Variants in GRM7 observed in about 807,000 individuals in gnomAD.
GRM7 encodes the protein glutamate metabotropic receptor 7, also known as metabotropic glutamate receptor 7.
A neutral mutation model predicts 84.5 loss-of-function variants in GRM7; 35 were observed. The ratio of observed to expected loss-of-function variants is 0.41; its 90% CI spans 0.32 to 0.55. The LOEUF (loss-of-function observed/expected upper bound fraction) is 0.55, where lower values mean the gene tolerates loss of function less well. Ranked by LOEUF, GRM7 falls within the 20% of genes least tolerant of loss-of-function variation. The probability of loss-of-function intolerance (pLI) is 0.19; values close to 1 mark genes in which losing one functional copy is unlikely to be tolerated. For missense variants in GRM7, 1,003 were observed against 1,194.6 expected (o/e 0.84, Z 2.36); for synonymous variants, 487 against 455.1 (o/e 1.07, Z -0.89).
intron 1 of GRM7, among the ~76,000 whole-genome samples, chr3:6,886,739 CT>C (rs1695709853): frequency 1.3e-5 from 2 of 151,706 alleles, no homozygotes; most frequent in African/African-American, 2.4e-5. Flanking sequence ...TATCATTACT[CT>C]GTTAATTCTT....
At chr3:7,323,013 C>T (rs1700845029) in intron 4 of GRM7, among the ~76,000 whole-genome samples, 1 of 152,092 alleles carries the variant, frequency 6.6e-6, no homozygotes, top group Non-Finnish European at 1.5e-5. Flanking sequence ...ACAAAGGAAA[C>T]AAGTAAGCAA....
chr3:7,352,040 T>TCTCACA (rs1553565243), intron 4 of GRM7, among the ~76,000 whole-genome samples: 1 of 132,120 alleles, frequency 7.6e-6, no homozygotes, highest in African/African-American at 2.9e-5. Flanking sequence ...TCTCTCTCTC[T>TCTCACA]CACACACACA....
At chr3:7,724,852 C>G (rs1466758766) in intron 9 of GRM7, among the ~76,000 whole-genome samples, 1 of 152,172 alleles carries the variant, frequency 6.6e-6, no homozygotes, top group South Asian at 2.1e-4. Context: ...AGCCTTGAAT[C>G]CCTGAGCTCA....
At position 7,578,805 on chromosome 3, in the gene GRM7, G is replaced by A. The variant is rs151287112; in HGVS notation, c.1899G>A (p.Leu633=). Residue 633 remains leucine, a synonymous_variant, in exon 8 of 10, where the codon TTG becomes TTA. Coordinates refer to ENST00000357716, the MANE Select transcript of GRM7 (RefSeq NM_000844.4). ...GGCGGGAACTCAGCTATGTTCTTTT[G>A]ACGGGCATCTTTCTTTGCTACATCA... The part of the protein sequence containing the change: ...ASGRELSYVL[L]TGIFLCYIIT... 100 of 1,613,976 alleles carry A rather than the reference G, an allele frequency of 6.2e-5. No homozygotes were observed. The highest frequency in any genetic ancestry group is 7.7e-5 in the Non-Finnish European group (91 of 1,180,018).
At position 7,645,982 on chromosome 3, in the gene GRM7, ATTAACAAGT is replaced by A. The variant is rs1698620114; in HGVS notation, c.2452-34062_2452-34054del. ...CAGAAGGACTTTTTGCTAAGCCCTC[ATTAACAAGT>A]TTAAAGATCTATCAGAATATTACAT... is the stretch of plus-strand genomic sequence containing the variant. On this transcript the variant is annotated intron_variant, in intron 8 of 9. Transcript: ENST00000357716. Among the ~76,000 whole-genome samples, 3 of 152,190 alleles carry A rather than the reference ATTAACAAGT, an allele frequency of 2.0e-5. No individual in the cohort carries two copies. The South Asian group carries it at 6.2e-4, about 32-fold the overall frequency.
chr3:7,067,734 G>T (rs1574857893), intron 1 of GRM7, among the ~76,000 whole-genome samples: 4 of 151,868 alleles, frequency 2.6e-5, no homozygotes. Flanking sequence ...TAGTCGTAAG[G>T]GTCATCCTGA....
At chr3:6,958,558 T>G (rs907601402) in intron 1 of GRM7, among the ~76,000 whole-genome samples, 2 of 152,180 alleles carry the variant, frequency 1.3e-5, no homozygotes, top group African/African-American at 4.8e-5. Flanking sequence ...GTGGAATTTC[T>G]GGGACATAAT....
intron 8 of GRM7, among the ~76,000 whole-genome samples, chr3:7,642,715 T>A (rs1377867137): frequency 6.6e-6 from 1 of 152,176 alleles, no homozygotes; most frequent in Non-Finnish European, 1.5e-5. Flanking sequence ...GTTGGAGAAC[T>A]CAAACAATCA....
At chr3:7,285,962 T>C (rs1367530472) in intron 2 of GRM7, among the ~76,000 whole-genome samples, 2 of 152,148 alleles carry the variant, frequency 1.3e-5, no homozygotes, top group Non-Finnish European at 2.9e-5. Context: ...ACACCACATA[T>C]GAATATAGCA....
At position 7,206,456 on chromosome 3, in the gene GRM7, T is replaced by A. The variant is rs1696243064; in HGVS notation, c.736+59788T>A. Among the ~76,000 whole-genome samples the A allele has an allele frequency of 2.6e-5, 4 of 152,122 alleles. No individual in the cohort carries two copies. The South Asian group carries it at 8.3e-4, about 32-fold the overall frequency. ...TTGGAGATACTGATGGTTAAAAAAA[T>A]TTCTGGAAAGGAAATCAAGTATTGT... is the stretch of plus-strand genomic sequence containing the variant. On this transcript the variant is annotated intron_variant, in intron 2 of 9. Coordinates refer to ENST00000357716, the MANE Select transcript of GRM7 (RefSeq NM_000844.4).
At chr3:6,947,603 T>G (rs1698138184) in intron 1 of GRM7, among the ~76,000 whole-genome samples, 1 of 152,210 alleles carries the variant, frequency 6.6e-6, no homozygotes, top group Non-Finnish European at 1.5e-5. Flanking sequence ...CTTTTTCTAT[T>G]GATTGGAATG....
intron 9 of GRM7, among the ~76,000 whole-genome samples, chr3:7,690,240 G>C (rs372346319): frequency 6.6e-6 from 1 of 152,090 alleles, no homozygotes; most frequent in South Asian, 2.1e-4. Flanking sequence ...CTTCGTCTTT[G>C]TGCCTTTAAG....
At chr3:7,120,983 T>C (rs1017728494) in intron 1 of GRM7, among the ~76,000 whole-genome samples, 2 of 152,172 alleles carry the variant, frequency 1.3e-5, no homozygotes, top group Non-Finnish European at 2.9e-5. Flanking sequence ...ACTTTATTAT[T>C]GTGGGGTTTT....
chr3:7,264,466 C>G (rs997290203), intron 2 of GRM7, among the ~76,000 whole-genome samples: 1 of 152,116 alleles, frequency 6.6e-6, no homozygotes, highest in Non-Finnish European at 1.5e-5. Flanking sequence ...GTAGTAAGAG[C>G]AGGTTGCTCC....
intron 1 of GRM7, among the ~76,000 whole-genome samples, chr3:6,945,844 G>C (rs535145589): frequency 2.0e-5 from 3 of 152,050 alleles, no homozygotes; most frequent in African/African-American, 7.2e-5. Flanking sequence ...TGTGTTTTTT[G>C]GCTGCATAAA....
intron 1 of GRM7, among the ~76,000 whole-genome samples, chr3:6,998,176 G>A (rs2124871136): frequency 7.4e-6 from 1 of 135,546 alleles, no homozygotes; most frequent in East Asian, 2.3e-4. Flanking sequence ...TGAGGGTACA[G>A]GCATTGGTTA....
intron 1 of GRM7, among the ~76,000 whole-genome samples, chr3:7,135,913 C>A (rs186359464): frequency 1.7e-3 from 252 of 152,008 alleles, no homozygotes; most frequent in Non-Finnish European, 2.8e-3. Context: ...TTAAACATTT[C>A]TATTAATGTT....
chr3:7,049,537 T>G (rs1696921154), intron 1 of GRM7, among the ~76,000 whole-genome samples: 1 of 151,816 alleles, frequency 6.6e-6, no homozygotes, highest in African/African-American at 2.4e-5. Context: ...GAGATTTGGG[T>G]GGGGAGACAA....
intron 2 of GRM7, among the ~76,000 whole-genome samples, chr3:7,239,988 T>C (rs947359672): frequency 1.3e-5 from 2 of 152,252 alleles, no homozygotes; most frequent in South Asian, 4.1e-4. Flanking sequence ...AAAAGGACTC[T>C]ATCGTTTTAT....
Sources: allele counts gnomAD v4.1 joint callset (sites outside exome capture counted in the v4.1 genomes callset), GRCh38; gene constraint gnomAD v4.1.1; transcripts MANE v1.5; gene names NCBI Gene and HGNC (gene_info 2026-07-23, HGNC 2026-07-21).